Variants in C1orf146 observed in about 807,000 individuals in gnomAD.
C1orf146 encodes chromosome 1 open reading frame 146.
Under a neutral mutation model 23.0 loss-of-function variants are expected in C1orf146, and 22 were observed. That is an observed-to-expected ratio of 0.96 (90% CI 0.68 to 1.36). C1orf146 has a LOEUF of 1.36. Ranked by LOEUF, C1orf146 falls within the 40% of genes most tolerant of loss-of-function variation. The pLI, the probability that C1orf146 is intolerant of heterozygous loss-of-function variation, is 0.00. For synonymous variants in C1orf146, 59 were observed against 65.3 expected (o/e 0.90, Z 0.47); for missense variants, 199 against 206.8 (o/e 0.96, Z 0.23).
intron 2 of C1orf146, among the ~76,000 whole-genome samples, chr1:92,234,150 G>A (rs966446757): frequency 6.6e-6 from 1 of 152,122 alleles, no homozygotes; most frequent in Non-Finnish European, 1.5e-5. Flanking sequence ...ACACTATGTT[G>A]AATAGGAGTG....
At chr1:92,235,923 G>T (rs1652265128) in intron 2 of C1orf146, among the ~76,000 whole-genome samples, 1 of 151,968 alleles carries the variant, frequency 6.6e-6, no homozygotes, top group South Asian at 2.1e-4. Flanking sequence ...TCAGAGACTA[G>T]GATTGCAACC....
At chr1:92,232,355 C>A (rs1245096708) in intron 2 of C1orf146, among the ~76,000 whole-genome samples, 1 of 149,238 alleles carries the variant, frequency 6.7e-6, no homozygotes, top group Non-Finnish European at 1.5e-5. Flanking sequence ...TGAGAACATG[C>A]GGTGTTTGGT....
At chr1:92,241,276 A>T (rs564985969) in intron 2 of C1orf146, among the ~76,000 whole-genome samples, 1 of 150,250 alleles carries the variant, frequency 6.7e-6, no homozygotes, top group African/African-American at 2.4e-5. Flanking sequence ...CAGTGGTGCA[A>T]TCATGGCTCA....
chr1:92,219,707 T>C (rs1347520397), intron 1 of C1orf146, among the ~76,000 whole-genome samples: 1 of 151,872 alleles, frequency 6.6e-6, no homozygotes, highest in Non-Finnish European at 1.5e-5. Flanking sequence ...ACAGTTGTTA[T>C]TTACAGGTGC....
chr1:92,238,798 T>C (rs1652358793), intron 2 of C1orf146, among the ~76,000 whole-genome samples: 1 of 152,238 alleles, frequency 6.6e-6, no homozygotes, highest in Admixed American at 6.5e-5. Context: ...ACCATACCTT[T>C]AGGTCTGAAT....
intron 3 of C1orf146, among the ~76,000 whole-genome samples, chr1:92,243,767 T>C (rs553074868): frequency 6.6e-6 from 1 of 152,336 alleles, no homozygotes; most frequent in African/African-American, 2.4e-5. Flanking sequence ...GAGAAGGCGT[T>C]GAAGCTCCAT....
At chr1:92,230,440 G>A (rs983732739) in intron 1 of C1orf146, among the ~76,000 whole-genome samples, 3 of 151,818 alleles carry the variant, frequency 2.0e-5, no homozygotes, top group Admixed American at 6.6e-5. Context: ...GTGAAACCCC[G>A]TCTCCACTAA....
chr1:92,231,147 C>T (rs533629111), intron 1 of C1orf146, among the ~76,000 whole-genome samples: 9 of 152,258 alleles, frequency 5.9e-5, no homozygotes, highest in Admixed American at 2.0e-4. Flanking sequence ...GATGCAAGTC[C>T]TCATTCTTTG....
chr1:92,231,522 A>C, intron 2 of C1orf146, 36 bp downstream of exon 2: 1 of 1,453,840 alleles, frequency 6.9e-7, no homozygotes, highest in Non-Finnish European at 9.5e-7. Context: ...CTTTAACTTA[A>C]AAAAATTAAA....
intron 3 of C1orf146, among the ~76,000 whole-genome samples, chr1:92,243,662 T>A (rs7519603): frequency 0.053 from 8,109 of 152,162 alleles, 580 homozygotes; most frequent in African/African-American, 0.17. Flanking sequence ...TGCTTAAGAC[T>A]CTCTTTCTTT....
chr1:92,244,707 C>A (rs1652534234), intron 4 of C1orf146, 72 bp from the exon 5 acceptor site: 1 of 972,294 alleles, frequency 1.0e-6, no homozygotes, highest in South Asian at 1.5e-5. Context: ...AGATTTGTCT[C>A]TTCTTTCCAC....
At chr1:92,220,603 CT>C (rs1651796651) in intron 1 of C1orf146, among the ~76,000 whole-genome samples, 1 of 152,296 alleles carries the variant, frequency 6.6e-6, no homozygotes, top group East Asian at 1.9e-4. Flanking sequence ...GTATTATCAT[CT>C]TGTGGCACCA....
At chr1:92,242,752 T>C (rs1489762673) in intron 3 of C1orf146, among the ~76,000 whole-genome samples, 2 of 152,168 alleles carry the variant, frequency 1.3e-5, no homozygotes, top group Non-Finnish European at 1.5e-5. Flanking sequence ...GTTCATGAAA[T>C]GACAACTGAT....
At chr1:92,244,959 G>A in intron 5 of C1orf146, 102 bp downstream of exon 5, 1 of 677,008 alleles carries the variant, frequency 1.5e-6, no homozygotes, top group Non-Finnish European at 2.5e-6. Context: ...TCATGCTTCT[G>A]TTCCCCTGCG....
intron 1 of C1orf146, among the ~76,000 whole-genome samples, chr1:92,223,812 G>T (rs1651895195): frequency 6.6e-6 from 1 of 152,026 alleles, no homozygotes; most frequent in Admixed American, 6.5e-5. Flanking sequence ...GGGATTACAG[G>T]CCTGAGCCAC....
chr1:92,244,509 A>G (rs912957804), intron 4 of C1orf146, 124 bp downstream of exon 4: 1 of 788,372 alleles, frequency 1.3e-6, no homozygotes, highest in South Asian at 2.1e-5. Context: ...ATCAAATTTA[A>G]TGAAACATGG....
intron 2 of C1orf146, among the ~76,000 whole-genome samples, chr1:92,237,581 T>C (rs943732417): frequency 6.6e-6 from 1 of 152,218 alleles, no homozygotes; most frequent in Non-Finnish European, 1.5e-5. Context: ...GCAGTCTGCC[T>C]GTTCTCAGAT....
intron 1 of C1orf146, among the ~76,000 whole-genome samples, chr1:92,218,350 T>A (rs1651729361): frequency 6.6e-6 from 1 of 152,048 alleles, no homozygotes; most frequent in African/African-American, 2.4e-5. Context: ...ACCGTGAAGA[T>A]CCTTGTAGGC....
intron 2 of C1orf146, among the ~76,000 whole-genome samples, chr1:92,236,959 T>C (rs546946426): frequency 6.6e-6 from 1 of 152,358 alleles, no homozygotes; most frequent in South Asian, 2.1e-4. Flanking sequence ...TTCAGCTCCA[T>C]CAGCTCCTTT....
Sources: allele counts gnomAD v4.1 joint callset (sites outside exome capture counted in the v4.1 genomes callset), GRCh38; gene constraint gnomAD v4.1.1; transcripts MANE v1.5; gene names NCBI Gene and HGNC (gene_info 2026-07-23, HGNC 2026-07-21).